The following FRMD6 variants were observed in gnomAD, a reference collection of about 807,000 sequenced individuals.
The protein encoded by FRMD6 is FERM domain-containing protein 6.
In FRMD6, 37 loss-of-function variants were observed where a neutral mutation model predicts 73.2. That is an observed-to-expected ratio of 0.51 (90% CI 0.39 to 0.66). The LOEUF (loss-of-function observed/expected upper bound fraction) is 0.66, where lower values mean the gene tolerates loss of function less well. Ranked by LOEUF, FRMD6 falls within the 30% of genes least tolerant of loss-of-function variation. The pLI is 0.00. For synonymous variants in FRMD6, 273 were observed against 282.2 expected, an observed-to-expected ratio of 0.97 and a Z score of 0.33; for missense variants, 714 against 780.5, an observed-to-expected ratio of 0.91 and a Z score of 1.02.
intron 2 of FRMD6, among the ~76,000 whole-genome samples, chr14:51,577,822 G>A (rs1009460914): frequency 1.3e-5 from 2 of 152,042 alleles, no homozygotes. Context: ...TTAAGTTCTG[G>A]GATACATGTG....
intron 1 of FRMD6, among the ~76,000 whole-genome samples, chr14:51,530,246 A>G (rs1197710377): frequency 6.6e-6 from 1 of 152,172 alleles, no homozygotes; most frequent in Non-Finnish European, 1.5e-5. Context: ...GTGATGGGTT[A>G]CTGTAGCTCT....
intron 2 of FRMD6, among the ~76,000 whole-genome samples, chr14:51,611,609 C>T (rs918096037): frequency 1.6e-4 from 24 of 152,212 alleles, no homozygotes; most frequent in African/African-American, 5.8e-4. Flanking sequence ...TACTAAGACA[C>T]AGATTTGAAT....
chr14:51,417,146 A>G, the FRMD6 span, among the ~76,000 whole-genome samples: 1 of 152,120 alleles, frequency 6.6e-6, no homozygotes, highest in Admixed American at 6.5e-5. Flanking sequence ...CATTTAGCCC[A>G]TTTACATTTA....
At chr14:51,701,654 A>G (rs1448805521) in intron 4 of FRMD6, among the ~76,000 whole-genome samples, 2 of 149,790 alleles carry the variant, frequency 1.3e-5, no homozygotes, top group Admixed American at 1.3e-4. Flanking sequence ...AAAGTGTCAC[A>G]TTAATCAAGT....
At chr14:51,684,754 T>G (rs1895035703) in intron 1 of FRMD6, among the ~76,000 whole-genome samples, 1 of 152,120 alleles carries the variant, frequency 6.6e-6, no homozygotes, top group Non-Finnish European at 1.5e-5. Context: ...GCCCAAAATG[T>G]CAGTAGTGGC....
chr14:51,650,622 C>T, upstream of FRMD6: 1 of 151,442 alleles, frequency 6.6e-6, no homozygotes, highest in Non-Finnish European at 1.5e-5. Context: ...GTCTCGATCT[C>T]CTGACCTCGT....
upstream of FRMD6, among the ~76,000 whole-genome samples, chr14:51,648,604 C>A (rs1892185285): frequency 6.6e-6 from 1 of 152,212 alleles, no homozygotes; most frequent in Admixed American, 6.5e-5. Context: ...CTTCTCAGTT[C>A]ACAGGGGATG....
chr14:51,489,133 C>T (rs916570809), upstream of FRMD6: 1 of 152,238 alleles, frequency 6.6e-6, no homozygotes, highest in Non-Finnish European at 1.5e-5. Context: ...AGAGGGCTTT[C>T]CTCCTTGAAG....
intron 2 of FRMD6, among the ~76,000 whole-genome samples, chr14:51,694,120 A>T (rs535218271): frequency 1.6e-3 from 238 of 152,304 alleles, no homozygotes; most frequent in African/African-American, 5.3e-3. Context: ...GAATAAATTT[A>T]GTGTTTTGGT....
At chr14:51,496,894 A>G (rs1340380852) in intron 1 of FRMD6, among the ~76,000 whole-genome samples, 5 of 152,232 alleles carry the variant, frequency 3.3e-5, no homozygotes, top group South Asian at 4.1e-4. Flanking sequence ...CGGTCCAGAC[A>G]TAAAATTTCT....
intron 1 of FRMD6, among the ~76,000 whole-genome samples, chr14:51,542,084 T>A (rs1886231466): frequency 6.6e-6 from 1 of 152,062 alleles, no homozygotes. Flanking sequence ...TACCAGGTGC[T>A]TCAAAATAGG....
chr14:51,542,665 CTA>C (rs140277457), intron 1 of FRMD6, among the ~76,000 whole-genome samples: 4,413 of 152,024 alleles, frequency 0.029, 118 homozygotes, highest in Admixed American at 0.081. Flanking sequence ...CATGGTAATT[CTA>C]TGTTTACCTT....
chr14:51,682,393 A>G (rs1009932098), intron 1 of FRMD6, among the ~76,000 whole-genome samples: 5 of 151,920 alleles, frequency 3.3e-5, no homozygotes, highest in Admixed American at 2.6e-4. Context: ...AGTAAATATC[A>G]ATGTTGGTAT....
the FRMD6 span, among the ~76,000 whole-genome samples, chr14:51,463,679 A>C: frequency 1.3e-5 from 2 of 152,260 alleles, no homozygotes. Context: ...GACAGGCTCC[A>C]GTGCCTCTGA....
At chr14:51,655,371 G>T (rs1012353281) in intron 1 of FRMD6, among the ~76,000 whole-genome samples, 3 of 152,222 alleles carry the variant, frequency 2.0e-5, no homozygotes, top group African/African-American at 7.2e-5. Context: ...AGAGTTAGGA[G>T]AGGGGAATGG....
the FRMD6 span, among the ~76,000 whole-genome samples, chr14:51,474,420 C>T: frequency 6.6e-5 from 10 of 152,032 alleles, no homozygotes; most frequent in Admixed American, 5.9e-4. Flanking sequence ...TTGGGACTGG[C>T]GGGAAAGATT....
the FRMD6 span, among the ~76,000 whole-genome samples, chr14:51,417,047 T>C: frequency 6.6e-6 from 1 of 152,216 alleles, no homozygotes; most frequent in South Asian, 2.1e-4. Context: ...CCTATATGTG[T>C]CTCTGCACGT....
intron 2 of FRMD6, among the ~76,000 whole-genome samples, chr14:51,610,404 G>C (rs546525267): frequency 2.7e-5 from 4 of 149,178 alleles, no homozygotes; most frequent in Admixed American, 1.3e-4. Context: ...GCTTGTATTT[G>C]GTTGGCCATT....
the FRMD6 span, among the ~76,000 whole-genome samples, chr14:51,402,568 T>G: frequency 6.6e-6 from 1 of 152,196 alleles, no homozygotes; most frequent in African/African-American, 2.4e-5. Context: ...TCCCCAGCCA[T>G]GTGGAACTGT....
Sources: allele counts gnomAD v4.1 joint callset (sites outside exome capture counted in the v4.1 genomes callset), GRCh38; gene constraint gnomAD v4.1.1; transcripts MANE v1.5; gene names NCBI Gene and HGNC (gene_info 2026-07-23, HGNC 2026-07-21).